The following PCBP3 variants were observed in gnomAD, a reference collection of about 807,000 sequenced individuals.
PCBP3 encodes the protein poly(rC) binding protein 3.
In PCBP3, 25 loss-of-function variants were observed where a neutral mutation model predicts 52.7. That is an observed-to-expected ratio of 0.47 (90% CI 0.35 to 0.66). PCBP3 has a LOEUF of 0.66. Among genes scored for constraint, PCBP3 ranks in the 30% least tolerant of loss-of-function variants. The pLI is 0.01. For missense variants in PCBP3, 391 were observed against 490.3 expected (o/e 0.80, Z 1.91); for synonymous variants, 162 against 183.0 (o/e 0.89, Z 0.93).
intron 15 of PCBP3, among the ~76,000 whole-genome samples, chr21:45,932,264 C>A (rs2076318904): frequency 6.6e-6 from 1 of 150,880 alleles, no homozygotes; most frequent in Non-Finnish European, 1.5e-5. Context: ...GATGGATGGA[C>A]ACCTGGTCCA....
At chr21:45,848,812 G>A (rs774825088) in intron 4 of PCBP3, among the ~76,000 whole-genome samples, 4 of 152,236 alleles carry the variant, frequency 2.6e-5, no homozygotes, top group African/African-American at 4.8e-5. Context: ...CCCACACCCC[G>A]TTTTCCTCTC....
At position 45,853,508 on chromosome 21, in the gene PCBP3, C is replaced by T. The variant is rs1046691460; in HGVS notation, c.10+3413C>T. On this transcript the variant is annotated intron_variant, in intron 5 of 17. Transcript: ENST00000681687. The surrounding 1 kb of genome is among the most constrained non-coding windows in gnomAD (Gnocchi z 4.6). ...GTGGGAGCAGCCCGAGCAAGCAGCT[C>T]ACGGGCCCCAGCGACAGAATTTTCT... Among the ~76,000 whole-genome samples the T allele has an allele frequency of 2.0e-5, 3 of 152,200 alleles. No individual in the cohort carries two copies. The highest frequency in any genetic ancestry group is 7.2e-5 in the African/African-American group (3 of 41,452).
intron 5 of PCBP3, among the ~76,000 whole-genome samples, chr21:45,870,187 G>T: frequency 6.7e-6 from 1 of 150,272 alleles, no homozygotes; most frequent in Admixed American, 6.6e-5. Context: ...TTATCTTCTG[G>T]GTTTTTCTTA....
rs2093608082 is a variant in PCBP3 at position 45,837,155 on chromosome 21, G to A, written c.-125-12806G>A. On this transcript the variant is annotated intron_variant, in intron 4 of 17. Coordinates refer to ENST00000681687, the MANE Select transcript of PCBP3 (RefSeq NM_001384156.1). The surrounding 1 kb of genome is among the most constrained non-coding windows in gnomAD (Gnocchi z 4.1). ...GGGTACCAATTCCCATCCCCCAGCA[G>A]CGTGTTAGCGCCACGGATGATCTAC... Among the ~76,000 whole-genome samples the A allele has an allele frequency of 6.6e-6, 1 of 152,248 alleles. No individual in the cohort carries two copies. Among genetic ancestry groups the A allele is most frequent in the South Asian group, 2.1e-4 (1 of 4,830 alleles).
chr21:45,893,729 G>A, intron 5 of PCBP3: 1 of 985,260 alleles, frequency 1.0e-6, no homozygotes, highest in South Asian at 4.7e-5. Flanking sequence ...CGGGACAGAG[G>A]GAGGGACCTG....
rs1345073402 is a variant in PCBP3 at position 45,724,025 on chromosome 21, G to GGCACT, written c.-199-11365_-199-11361dup. 2.0e-5 allele frequency among the ~76,000 whole-genome samples: 3 copies of GGCACT among 152,118 alleles called. No homozygotes were observed. In the East Asian group the frequency reaches 5.8e-4, roughly 29 times the overall value. ...GCTCCCCCACATCCTGCTTCTTGTT[G>GGCACT]GCACTGTAAAACTCTCAATTCACTC... On this transcript the variant is annotated intron_variant, in intron 2 of 17. Transcript: ENST00000681687. The surrounding 1 kb of genome is among the most constrained non-coding windows in gnomAD (Gnocchi z 5.3).
At chr21:45,929,827 G>A (rs2075943913) in intron 13 of PCBP3, 90 bp from the exon 14 acceptor site, 5 of 951,092 alleles carry the variant, frequency 5.3e-6, no homozygotes, top group Non-Finnish European at 8.6e-6. Context: ...CTATCTATCT[G>A]TGCAAAGTTC....
At chr21:45,655,825 C>T (rs868841091) in intron 1 of PCBP3, among the ~76,000 whole-genome samples, 24 of 152,126 alleles carry the variant, frequency 1.6e-4, no homozygotes, top group African/African-American at 5.5e-4. Context: ...AAAAAAAACC[C>T]ATCAAAAAGT....
rs1002411248 is a variant in PCBP3 at position 45,873,894 on chromosome 21, G to C, written c.11-22314G>C. Among the ~76,000 whole-genome samples, 21 of 152,348 alleles carry C rather than the reference G, an allele frequency of 1.4e-4. No individual in the cohort carries two copies. In the South Asian group the frequency reaches 2.1e-3, roughly 15 times the overall value. ...CACTATACCCTCCACCTCCCAGGCAGCTGGGACTACAAGCGTGCGCCATCG... is the reference window on the plus strand; with the variant it reads ...CACTATACCCTCCACCTCCCAGGCACCTGGGACTACAAGCGTGCGCCATCG... On this transcript the variant is annotated intron_variant, in intron 5 of 17. Coordinates refer to ENST00000681687, the MANE Select transcript of PCBP3 (RefSeq NM_001384156.1).
chr21:45,721,880 C>T (rs1245886763), intron 2 of PCBP3, among the ~76,000 whole-genome samples: 1 of 152,160 alleles, frequency 6.6e-6, no homozygotes, highest in Non-Finnish European at 1.5e-5. Flanking sequence ...ATCACAGAAA[C>T]TGGAGTCACT....
At chr21:45,663,341 T>C (rs993027495) in intron 1 of PCBP3, among the ~76,000 whole-genome samples, 1 of 152,104 alleles carries the variant, frequency 6.6e-6, no homozygotes, top group African/African-American at 2.4e-5. Context: ...CCACTACTGG[T>C]GTCCGCGTCT....
At chr21:45,831,570 T>C (rs2093450532) in intron 4 of PCBP3, among the ~76,000 whole-genome samples, 1 of 152,186 alleles carries the variant, frequency 6.6e-6, no homozygotes, top group Non-Finnish European at 1.5e-5. Context: ...CAACCTGAAT[T>C]GTGCTGTATT....
intron 3 of PCBP3, among the ~76,000 whole-genome samples, chr21:45,744,601 T>C (rs981872506): frequency 6.6e-6 from 1 of 152,224 alleles, no homozygotes; most frequent in Admixed American, 6.5e-5. Context: ...ATAGCTTTCA[T>C]TTATATTGAT....
rs1041423290 is a variant in PCBP3 at position 45,741,203 on chromosome 21, T to A, written c.-162+5774T>A. 6.6e-6 allele frequency among the ~76,000 whole-genome samples: 1 copy of A among 151,974 alleles called. No individual in the cohort carries two copies. The highest frequency in any genetic ancestry group is 1.9e-4 in the East Asian group (1 of 5,192). On this transcript the variant is annotated intron_variant, in intron 3 of 17. Coordinates refer to ENST00000681687, the MANE Select transcript of PCBP3 (RefSeq NM_001384156.1). The surrounding 1 kb of genome is among the most constrained non-coding windows in gnomAD (Gnocchi z 4.5). ...CTCCAAGAAGGGCTGGAGGGTGATG[T>A]CGGGATGAGTGGGTCTGCAGTGGTC...
intron 2 of PCBP3, among the ~76,000 whole-genome samples, chr21:45,723,480 C>G (rs528084958): frequency 6.6e-6 from 1 of 152,286 alleles, no homozygotes; most frequent in East Asian, 1.9e-4. Context: ...TTAATAAGTT[C>G]ATGTACTAAC....
intron 5 of PCBP3, among the ~76,000 whole-genome samples, chr21:45,862,761 C>T (rs1175707770): frequency 2.0e-5 from 3 of 152,222 alleles, no homozygotes; most frequent in Admixed American, 6.5e-5. Flanking sequence ...CCGACGAAAC[C>T]GGGCCCTCTT....
intron 5 of PCBP3, among the ~76,000 whole-genome samples, chr21:45,866,258 A>AG (rs1347359049): frequency 6.6e-6 from 1 of 152,242 alleles, no homozygotes; most frequent in Non-Finnish European, 1.5e-5. Context: ...ACCCAGGGCC[A>AG]GGGGCACAGC....
Position 45,721,369 on chromosome 21 carries a change from C to T in PCBP3, c.-199-14023C>T, listed in dbSNP as rs569287153. 2.8e-5 allele frequency among the ~76,000 whole-genome samples: 4 copies of T among 142,522 alleles called. No individual in the cohort carries two copies. In the South Asian group the frequency reaches 7.3e-4, roughly 26 times the overall value. The allele number at this position is 142,522 out of a possible 152,430, so 93.5% of individuals were successfully genotyped here. On this transcript the variant is annotated intron_variant, in intron 2 of 17. Transcript: ENST00000681687. ...TGGAGGTTACAGTGAGCCAAGATCGCGCCACTGCACTCCAGCCTAGGCGAC... is the reference window on the plus strand; with the variant it reads ...TGGAGGTTACAGTGAGCCAAGATCGTGCCACTGCACTCCAGCCTAGGCGAC...
intron 2 of PCBP3, among the ~76,000 whole-genome samples, chr21:45,677,790 G>T (rs1249027138): frequency 1.3e-5 from 2 of 152,128 alleles, no homozygotes; most frequent in Non-Finnish European, 2.9e-5. Flanking sequence ...CTCTATACGG[G>T]AACAACAAAG....
Sources: gnomAD v4.1 joint callset for allele counts (sites outside exome capture counted in the v4.1 genomes callset) on GRCh38, gnomAD v4.1.1 for gene constraint, Gnocchi (gnomAD v3.1) non-coding constraint, MANE v1.5 for transcripts, NCBI Gene and HGNC (gene_info 2026-07-23, HGNC 2026-07-21) for gene names.